NXPE4: variants seen among roughly 807,000 people sequenced by gnomAD.
The protein encoded by NXPE4 is neurexophilin and PC-esterase domain family member 4, also known as NXPE family member 4.
A neutral mutation model predicts 33.3 loss-of-function variants in NXPE4; 42 were observed. The ratio of observed to expected loss-of-function variants is 1.26; its 90% CI spans 0.98 to 1.63. NXPE4 has a LOEUF of 1.63. NXPE4 is among the 40% of genes most tolerant of loss of function. NXPE4 has a pLI of 0.00. For synonymous variants in NXPE4, 253 were observed against 234.9 expected (o/e 1.08, Z -0.71); for missense variants, 709 against 647.6 (o/e 1.09, Z -1.03).
At chr11:114,611,184 C>A in the NXPE4 span, among the ~76,000 whole-genome samples, 1 of 151,556 alleles carries the variant, frequency 6.6e-6, no homozygotes, top group African/African-American at 2.4e-5. Flanking sequence ...TGGGTAACCA[C>A]TGCTACCCGC....
chr11:114,659,325 A>C, the NXPE4 span, among the ~76,000 whole-genome samples: 1 of 152,216 alleles, frequency 6.6e-6, no homozygotes, highest in East Asian at 1.9e-4. Flanking sequence ...AGACAGAAAC[A>C]GTCATCAAGA....
intron 2 of NXPE4, among the ~76,000 whole-genome samples, chr11:114,585,642 C>T (rs1949275713): frequency 6.6e-6 from 1 of 151,884 alleles, no homozygotes; most frequent in Non-Finnish European, 1.5e-5. Context: ...ACATTTAGAA[C>T]ACCTAAATAT....
the NXPE4 span, among the ~76,000 whole-genome samples, chr11:114,649,243 G>A: frequency 6.6e-6 from 1 of 151,664 alleles, no homozygotes; most frequent in Non-Finnish European, 1.5e-5. Flanking sequence ...TTAATCTTAG[G>A]GCATGGTAAT....
the NXPE4 span, among the ~76,000 whole-genome samples, chr11:114,630,172 C>T: frequency 6.6e-6 from 1 of 151,744 alleles, no homozygotes; most frequent in Non-Finnish European, 1.5e-5. Flanking sequence ...AAAAAAACTA[C>T]TTTAAAGTTC....
At chr11:114,615,055 G>T in the NXPE4 span, among the ~76,000 whole-genome samples, 3 of 151,874 alleles carry the variant, frequency 2.0e-5, no homozygotes, top group Non-Finnish European at 4.4e-5. Flanking sequence ...AATAAGTGTT[G>T]CCTCGTGGGT....
At chr11:114,587,887 G>T (rs972485448) in intron 2 of NXPE4, among the ~76,000 whole-genome samples, 30 of 152,094 alleles carry the variant, frequency 2.0e-4, no homozygotes, top group African/African-American at 6.8e-4. Context: ...TAAGGGTGTG[G>T]CCTTCTTACC....
chr11:114,646,479 C>A, the NXPE4 span, among the ~76,000 whole-genome samples: 1 of 151,890 alleles, frequency 6.6e-6, no homozygotes, highest in Non-Finnish European at 1.5e-5. Flanking sequence ...CTCATTTCAT[C>A]ATGAGGTTAA....
the NXPE4 span, among the ~76,000 whole-genome samples, chr11:114,630,654 A>C: frequency 6.6e-6 from 1 of 151,092 alleles, no homozygotes; most frequent in African/African-American, 2.4e-5. Context: ...AATGGCAACA[A>C]AAGCCAAAAT....
the NXPE4 span, among the ~76,000 whole-genome samples, chr11:114,628,007 TAG>T: frequency 1.3e-5 from 2 of 151,742 alleles, no homozygotes; most frequent in East Asian, 3.9e-4. Flanking sequence ...CAGGAGCACC[TAG>T]ATTCATAAAG....
At chr11:114,637,800 C>A in the NXPE4 span, among the ~76,000 whole-genome samples, 2 of 152,036 alleles carry the variant, frequency 1.3e-5, no homozygotes, top group Middle Eastern at 3.2e-3. Flanking sequence ...CCCCCACTCT[C>A]TTCTGGCTTG....
the NXPE4 span, among the ~76,000 whole-genome samples, chr11:114,649,484 A>G: frequency 6.6e-6 from 1 of 152,244 alleles, no homozygotes; most frequent in Admixed American, 6.5e-5. Context: ...ACCAGACACA[A>G]GAGACCACAT....
At chr11:114,626,721 G>T in the NXPE4 span, among the ~76,000 whole-genome samples, 1 of 152,036 alleles carries the variant, frequency 6.6e-6, no homozygotes, top group Non-Finnish European at 1.5e-5. Flanking sequence ...AAATTATTCC[G>T]AGCTATGGGA....
At chr11:114,602,874 A>G in the NXPE4 span, among the ~76,000 whole-genome samples, 1 of 148,010 alleles carries the variant, frequency 6.8e-6, no homozygotes, top group Non-Finnish European at 1.5e-5. Flanking sequence ...ATATATAATT[A>G]TAGAAACATA....
the NXPE4 span, among the ~76,000 whole-genome samples, chr11:114,614,229 G>A: frequency 7.4e-4 from 112 of 151,854 alleles, 1 homozygote; most frequent in African/African-American, 2.6e-3. Context: ...GTGTTGCCTC[G>A]TGGGTAACCA....
chr11:114,662,769 C>T, the NXPE4 span, among the ~76,000 whole-genome samples: 10 of 152,266 alleles, frequency 6.6e-5, no homozygotes, highest in Admixed American at 3.3e-4. Flanking sequence ...CCCTAGCTCC[C>T]GAGTGACATT....
At chr11:114,622,081 G>A in the NXPE4 span, among the ~76,000 whole-genome samples, 1 of 151,968 alleles carries the variant, frequency 6.6e-6, no homozygotes, top group Non-Finnish European at 1.5e-5. Context: ...GTTACCTGGT[G>A]GATAATAAGT....
chr11:114,630,019 A>G, the NXPE4 span, among the ~76,000 whole-genome samples: 1 of 151,258 alleles, frequency 6.6e-6, no homozygotes, highest in Non-Finnish European at 1.5e-5. Context: ...AGGAAATAAA[A>G]GAGGATACAA....
chr11:114,602,972 CAT>C, the NXPE4 span, among the ~76,000 whole-genome samples: 1 of 149,814 alleles, frequency 6.7e-6, no homozygotes. Flanking sequence ...ATTACAGAAT[CAT>C]ATAATTATCT....
the NXPE4 span, among the ~76,000 whole-genome samples, chr11:114,609,060 G>A: frequency 1.1e-4 from 17 of 151,866 alleles, no homozygotes; most frequent in Admixed American, 4.6e-4. Flanking sequence ...GTATTGCCTC[G>A]TGGGTAACCA....
Sources: gnomAD v4.1 joint callset for allele counts (sites outside exome capture counted in the v4.1 genomes callset) on GRCh38, gnomAD v4.1.1 for gene constraint, MANE v1.5 for transcripts, NCBI Gene and HGNC (gene_info 2026-07-23, HGNC 2026-07-21) for gene names.